The following BCAR3 variants were observed in gnomAD, a reference collection of about 807,000 sequenced individuals.
The protein encoded by BCAR3 is BCAR3 adaptor protein, NSP family member.
BCAR3 carries 37 observed loss-of-function variants against 80.1 expected under a neutral mutation model. The observed-to-expected ratio is 0.46, with a 90% confidence interval of 0.36 to 0.61. The LOEUF (loss-of-function observed/expected upper bound fraction) is 0.61. Among genes scored for constraint, BCAR3 ranks in the 20% least tolerant of loss-of-function variants. BCAR3 has a pLI of 0.00. For missense variants in BCAR3, 978 were observed against 1,068.2 expected (o/e 0.92, Z 1.18); for synonymous variants, 389 against 418.9 (o/e 0.93, Z 0.87).
At chr1:93,611,591 G>C (rs557456537) in intron 3 of BCAR3, among the ~76,000 whole-genome samples, 4 of 152,128 alleles carry the variant, frequency 2.6e-5, no homozygotes, top group Non-Finnish European at 4.4e-5. Flanking sequence ...AACTCTATGA[G>C]GGCCAGCACA....
intron 2 of BCAR3, among the ~76,000 whole-genome samples, chr1:93,821,574 A>C (rs1192815019): frequency 6.6e-6 from 1 of 152,214 alleles, no homozygotes; most frequent in African/African-American, 2.4e-5. Flanking sequence ...TTGAAAAGTG[A>C]GCAAACGTCT....
chr1:93,694,090 C>T lies in BCAR3; in HGVS notation c.-12+12002G>A, dbSNP rs78266715. On this transcript the variant is annotated intron_variant, in intron 3 of 13. Transcript: ENST00000370244. ...TAAAAAGTATCAGAGGATGAGAATACAGATCTGACCAGGATTCTAAAGCCC... is the reference window on the plus strand; with the variant it reads ...TAAAAAGTATCAGAGGATGAGAATATAGATCTGACCAGGATTCTAAAGCCC... Among the ~76,000 whole-genome samples, 698 of 152,346 alleles carry T rather than the reference C, an allele frequency of 4.6e-3. 5 individuals are homozygous for T. The highest frequency in any genetic ancestry group is 0.029 in the South Asian group (139 of 4,832).
chr1:93,710,849 G>C (rs74821158), intron 2 of BCAR3, among the ~76,000 whole-genome samples: 3,882 of 152,262 alleles, frequency 0.025, 170 homozygotes, highest in African/African-American at 0.088. Context: ...CATGAGTCTG[G>C]GAGCAGCTTA....
intron 5 of BCAR3, among the ~76,000 whole-genome samples, chr1:93,588,037 C>T (rs989522835): frequency 6.6e-6 from 1 of 152,118 alleles, no homozygotes; most frequent in African/African-American, 2.4e-5. Flanking sequence ...AGACTACAGA[C>T]CCCATGTTCT....
At chr1:93,640,365 T>C (rs1425041072) in intron 3 of BCAR3, among the ~76,000 whole-genome samples, 2 of 151,996 alleles carry the variant, frequency 1.3e-5, no homozygotes, top group South Asian at 2.1e-4. Flanking sequence ...ATACCCTACA[T>C]TGGCTCAACA....
chr1:93,752,889 TTTG>T (rs1651610929), intron 2 of BCAR3: 1 of 152,192 alleles, frequency 6.6e-6, no homozygotes, highest in Non-Finnish European at 1.5e-5. Flanking sequence ...GCAAGATTTG[TTTG>T]TTGTTTGTTT....
chr1:93,719,269 A>G (rs369333929), intron 2 of BCAR3, among the ~76,000 whole-genome samples: 35 of 150,620 alleles, frequency 2.3e-4, no homozygotes, highest in African/African-American at 8.6e-4. Flanking sequence ...CCTCTATTGC[A>G]TCAGCTTTTG....
chr1:93,812,231 A>G (rs1048833475), intron 2 of BCAR3, among the ~76,000 whole-genome samples: 26 of 152,244 alleles, frequency 1.7e-4, no homozygotes, highest in African/African-American at 6.0e-4. Context: ...TAGAATGCTT[A>G]AACTCCCTTA....
chr1:93,662,379 C>T (rs12741136), intron 2 of BCAR3, among the ~76,000 whole-genome samples: 1,668 of 152,236 alleles, frequency 0.011, 13 homozygotes, highest in Middle Eastern at 0.02. Flanking sequence ...TGGTTTTGGA[C>T]TCTGGTGCTA....
intron 2 of BCAR3, among the ~76,000 whole-genome samples, chr1:93,769,778 T>G (rs1652290198): frequency 6.6e-6 from 1 of 152,218 alleles, no homozygotes; most frequent in Admixed American, 6.5e-5. Flanking sequence ...CTCATAATAA[T>G]ACTCCATCAA....
chr1:93,683,091 T>G (rs185129267), upstream of BCAR3, among the ~76,000 whole-genome samples: 4 of 152,012 alleles, frequency 2.6e-5, no homozygotes, highest in African/African-American at 4.8e-5. Flanking sequence ...AACACATACA[T>G]CCAAAAAAGG....
rs1418061968 is a variant in BCAR3, at chr1:93,582,393, G to A, written c.1594C>T (p.Leu532=). The change falls in exon 7 of 12, where the codon CTG becomes TTG. Residue 532 remains leucine, a synonymous_variant. Transcript: ENST00000260502. The part of the protein sequence containing the change: ...SKFLPPENKP[L]ETAMLKRAKE... ...GCACGTTTCAACATTGCTGTTTCCA[G>A]GGGCTTATTCTCAGGGGGAAGGAAC... The A allele has an allele frequency of 6.2e-7, 1 of 1,614,188 alleles. No individual in the cohort carries two copies. Among genetic ancestry groups the A allele is most frequent in the Non-Finnish European group, 8.5e-7 (1 of 1,180,028 alleles).
chr1:93,574,057 A>C (rs1391923663), intron 8 of BCAR3, among the ~76,000 whole-genome samples: 1 of 152,154 alleles, frequency 6.6e-6, no homozygotes, highest in Non-Finnish European at 1.5e-5. Flanking sequence ...TTCTTTATTC[A>C]GTGTTTTCTC....
intron 2 of BCAR3, among the ~76,000 whole-genome samples, chr1:93,770,839 A>T (rs1486564454): frequency 6.6e-6 from 1 of 152,060 alleles, no homozygotes; most frequent in African/African-American, 2.4e-5. Flanking sequence ...AGACAGCAGC[A>T]CAGGAGCACC....
chr1:93,628,515 G>A (rs1403446335), intron 3 of BCAR3, among the ~76,000 whole-genome samples: 1 of 152,140 alleles, frequency 6.6e-6, no homozygotes, highest in Non-Finnish European at 1.5e-5. Flanking sequence ...CCAGCCTCTG[G>A]CCTCCTCGTT....
intron 3 of BCAR3, among the ~76,000 whole-genome samples, chr1:93,641,727 T>C (rs983102331): frequency 2.6e-5 from 4 of 152,210 alleles, no homozygotes; most frequent in Admixed American, 2.6e-4. Context: ...AGAGGGTGGC[T>C]GTTGGAATGG....
At chr1:93,667,665 C>T (rs1199609790) in intron 2 of BCAR3, among the ~76,000 whole-genome samples, 1 of 152,206 alleles carries the variant, frequency 6.6e-6, no homozygotes, top group East Asian at 1.9e-4. Context: ...AATAACAGCA[C>T]AGTCCTTCAA....
chr1:93,621,070 G>A (rs991816058), intron 3 of BCAR3, among the ~76,000 whole-genome samples: 8 of 152,262 alleles, frequency 5.3e-5, no homozygotes, highest in Non-Finnish European at 7.3e-5. Context: ...GGCGGAGGGC[G>A]GGGTCAGTAC....
chr1:93,796,389 G>A (rs1292096392), intron 2 of BCAR3, among the ~76,000 whole-genome samples: 2 of 144,752 alleles, frequency 1.4e-5, no homozygotes, highest in South Asian at 4.3e-4. Context: ...TCTGAAAAGC[G>A]CAATATTCGG....
Sources: gnomAD v4.1 joint callset for allele counts (sites outside exome capture counted in the v4.1 genomes callset) on GRCh38, gnomAD v4.1.1 for gene constraint, MANE v1.5 for transcripts, NCBI Gene and HGNC (gene_info 2026-07-23, HGNC 2026-07-21) for gene names.